Variants in LRMDA observed in about 807,000 individuals in gnomAD.
The protein encoded by LRMDA is leucine rich melanocyte differentiation associated, also known as leucine-rich melanocyte differentiation-associated protein.
A neutral mutation model predicts 29.8 loss-of-function variants in LRMDA; 18 were observed. The ratio of observed to expected loss-of-function variants is 0.60; its 90% CI spans 0.42 to 0.90. LRMDA has a LOEUF of 0.90. Ranked by LOEUF, LRMDA falls within the 40% of genes least tolerant of loss-of-function variation. LRMDA has a pLI of 0.00. For missense variants in LRMDA, 273 were observed against 273.9 expected (o/e 1.00, Z 0.02); for synonymous variants, 125 against 109.4 (o/e 1.14, Z -0.89).
chr10:76,254,171 A>G (rs933807136), intron 5 of LRMDA, among the ~76,000 whole-genome samples: 15 of 151,964 alleles, frequency 9.9e-5, no homozygotes, highest in Non-Finnish European at 1.8e-4. Context: ...AGCTTCCCCA[A>G]CCTTCCTTCC....
chr10:76,095,145 A>G (rs984030741), intron 5 of LRMDA, among the ~76,000 whole-genome samples: 1 of 152,098 alleles, frequency 6.6e-6, no homozygotes, highest in African/African-American at 2.4e-5. Flanking sequence ...ACCATCCCCA[A>G]CCATCCCTAC....
intron 2 of LRMDA, among the ~76,000 whole-genome samples, chr10:75,459,282 A>G (rs1354512902): frequency 1.3e-5 from 2 of 152,178 alleles, no homozygotes; most frequent in African/African-American, 2.4e-5. Context: ...CAAAAAATTT[A>G]AAAATTAGCC....
At chr10:75,805,350 G>A (rs1449098621) in intron 2 of LRMDA, among the ~76,000 whole-genome samples, 1 of 152,222 alleles carries the variant, frequency 6.6e-6, no homozygotes, top group Non-Finnish European at 1.5e-5. Flanking sequence ...CGTGTGTGCT[G>A]CTGATCTAAG....
At chr10:76,056,355 C>G (rs1188247652) in intron 4 of LRMDA, among the ~76,000 whole-genome samples, 1 of 152,252 alleles carries the variant, frequency 6.6e-6, no homozygotes, top group Non-Finnish European at 1.5e-5. Context: ...ATTTACGAAA[C>G]TGGTAGCCCA....
chr10:76,216,586 T>G (rs1004821646), intron 5 of LRMDA, among the ~76,000 whole-genome samples: 2 of 152,104 alleles, frequency 1.3e-5, no homozygotes, highest in Non-Finnish European at 2.9e-5. Context: ...CATTAGTGAC[T>G]AGGGAATTAA....
At chr10:76,093,079 C>G (rs1313696315) in intron 5 of LRMDA, among the ~76,000 whole-genome samples, 1 of 152,036 alleles carries the variant, frequency 6.6e-6, no homozygotes, top group African/African-American at 2.4e-5. Flanking sequence ...CTCTTGTTGC[C>G]CAGGCTGGAG....
At chr10:75,719,978 A>G (rs1425522936) in intron 2 of LRMDA, among the ~76,000 whole-genome samples, 1 of 152,192 alleles carries the variant, frequency 6.6e-6, no homozygotes. Context: ...GCCTCTGTGT[A>G]CCTAAAGTAC....
chr10:76,295,636 C>A (rs527417370), intron 5 of LRMDA, among the ~76,000 whole-genome samples: 20 of 152,286 alleles, frequency 1.3e-4, no homozygotes, highest in African/African-American at 4.8e-4. Flanking sequence ...TTCTAGCTCT[C>A]CTCTCTGGTA....
intron 2 of LRMDA, among the ~76,000 whole-genome samples, chr10:75,833,082 A>G (rs547644172): frequency 6.6e-6 from 1 of 152,282 alleles, no homozygotes; most frequent in East Asian, 1.9e-4. Flanking sequence ...CCTCTAAATT[A>G]TTGAAATGTC....
chr10:76,371,731 G>A (rs1014199074), intron 6 of LRMDA, among the ~76,000 whole-genome samples: 9 of 152,118 alleles, frequency 5.9e-5, no homozygotes, highest in Admixed American at 3.3e-4. Context: ...AGTTGGATAG[G>A]GGAAGAGAAG....
chr10:75,566,934 G>A (rs935775881), intron 2 of LRMDA, among the ~76,000 whole-genome samples: 14 of 152,168 alleles, frequency 9.2e-5, no homozygotes, highest in Non-Finnish European at 2.1e-4. Context: ...CCCATGGGGG[G>A]CCTCATCATG....
At chr10:75,522,145 C>T (rs868235012) in intron 2 of LRMDA, among the ~76,000 whole-genome samples, 2 of 152,204 alleles carry the variant, frequency 1.3e-5, no homozygotes, top group Non-Finnish European at 2.9e-5. Flanking sequence ...CTGTTCTATG[C>T]CCTTCACATG....
At chr10:76,034,814 C>T (rs1848213433) in intron 2 of LRMDA, among the ~76,000 whole-genome samples, 1 of 152,140 alleles carries the variant, frequency 6.6e-6, no homozygotes, top group Non-Finnish European at 1.5e-5. Context: ...AGCCCGGCAT[C>T]CCCTACGTGT....
At chr10:76,165,655 A>G (rs1850726201) in intron 5 of LRMDA, among the ~76,000 whole-genome samples, 1 of 152,236 alleles carries the variant, frequency 6.6e-6, no homozygotes, top group Non-Finnish European at 1.5e-5. Context: ...AAGAGGATGC[A>G]AACATATCCT....
intron 2 of LRMDA, among the ~76,000 whole-genome samples, chr10:75,635,073 T>G (rs188240591): frequency 3.9e-5 from 6 of 152,332 alleles, no homozygotes; most frequent in Non-Finnish European, 5.9e-5. Flanking sequence ...GAGAAATTGC[T>G]GCTTTGCTTT....
intron 5 of LRMDA, among the ~76,000 whole-genome samples, chr10:76,267,207 GT>G (rs530359995): frequency 1.3e-5 from 2 of 151,204 alleles, no homozygotes; most frequent in African/African-American, 2.4e-5. Flanking sequence ...ATTTTTTTTT[GT>G]TTTTTTTAAA....
intron 2 of LRMDA, among the ~76,000 whole-genome samples, chr10:75,599,230 A>G (rs1161666011): frequency 6.6e-6 from 1 of 152,228 alleles, no homozygotes; most frequent in Admixed American, 6.5e-5. Context: ...GCAGCTGTCC[A>G]AAACATGACA....
chr10:76,241,871 C>G (rs2132285998), intron 5 of LRMDA, among the ~76,000 whole-genome samples: 1 of 152,290 alleles, frequency 6.6e-6, no homozygotes, highest in Middle Eastern at 3.4e-3. Flanking sequence ...GCTTCCTTAT[C>G]TGTAAAGTGA....
chr10:75,454,114 T>C (rs1225523447), intron 2 of LRMDA, among the ~76,000 whole-genome samples: 1 of 152,306 alleles, frequency 6.6e-6, no homozygotes, highest in South Asian at 2.1e-4. Flanking sequence ...TTGGCTTCTC[T>C]GTGTAGCATC....
Sources: gnomAD v4.1 joint callset for allele counts (sites outside exome capture counted in the v4.1 genomes callset) on GRCh38, gnomAD v4.1.1 for gene constraint, MANE v1.5 for transcripts, NCBI Gene and HGNC (gene_info 2026-07-23, HGNC 2026-07-21) for gene names.